The following UNC13C variants were observed in gnomAD, a reference collection of about 807,000 sequenced individuals.
UNC13C encodes unc-13 homolog C.
UNC13C carries 174 observed loss-of-function variants against 245.4 expected under a neutral mutation model. That is an observed-to-expected ratio of 0.71 (90% CI 0.63 to 0.80). The LOEUF (loss-of-function observed/expected upper bound fraction) is 0.80, where lower values mean the gene tolerates loss of function less well. Among genes scored for constraint, UNC13C ranks in the 30% least tolerant of loss-of-function variants. The probability of loss-of-function intolerance (pLI) is 0.00; values close to 1 mark genes in which losing one functional copy is unlikely to be tolerated. For missense variants in UNC13C, 2,829 were observed against 2,602.9 expected, an observed-to-expected ratio of 1.09 and a Z score of -1.89; for synonymous variants, 992 against 895.1, an observed-to-expected ratio of 1.11 and a Z score of -1.93.
At chr15:54,604,117 C>T (rs1002275401) in intron 30 of UNC13C, among the ~76,000 whole-genome samples, 3 of 152,110 alleles carry the variant, frequency 2.0e-5, no homozygotes, top group African/African-American at 7.2e-5. Context: ...ATGCCCATTT[C>T]TTTTTGGAGG....
intron 2 of UNC13C, among the ~76,000 whole-genome samples, chr15:54,105,113 A>G (rs569521441): frequency 1.3e-5 from 2 of 152,348 alleles, no homozygotes; most frequent in South Asian, 2.1e-4. Flanking sequence ...TGATAGTTCA[A>G]TAGTTCTTAT....
chr15:54,268,388 C>T (rs1038769686), intron 10 of UNC13C, among the ~76,000 whole-genome samples: 1 of 152,090 alleles, frequency 6.6e-6, no homozygotes, highest in Non-Finnish European at 1.5e-5. Flanking sequence ...TCCTTCCCTA[C>T]CAATTCTAAC....
chr15:54,610,450 G>T (rs1439754944), intron 30 of UNC13C, among the ~76,000 whole-genome samples: 1 of 152,110 alleles, frequency 6.6e-6, no homozygotes, highest in Non-Finnish European at 1.5e-5. Context: ...TGTCCAGGCT[G>T]GTCTCAAACT....
chr15:54,375,444 C>G (rs2039584979), intron 17 of UNC13C, among the ~76,000 whole-genome samples: 1 of 152,110 alleles, frequency 6.6e-6, no homozygotes, highest in South Asian at 2.1e-4. Flanking sequence ...TGACTTGCTT[C>G]TAGCCAACGG....
intron 1 of UNC13C, among the ~76,000 whole-genome samples, chr15:54,010,435 A>G (rs1895331358): frequency 6.6e-6 from 1 of 152,178 alleles, no homozygotes; most frequent in East Asian, 1.9e-4. Context: ...TGGGTCTCAA[A>G]TATATAGATA....
chr15:54,024,804 A>G (rs1205877578), intron 2 of UNC13C, among the ~76,000 whole-genome samples: 1 of 151,800 alleles, frequency 6.6e-6, no homozygotes, highest in Non-Finnish European at 1.5e-5. Flanking sequence ...AGACCCAGCT[A>G]CTCTGGAGGC....
chr15:53,895,306 A>G, the UNC13C span, among the ~76,000 whole-genome samples: 1 of 145,370 alleles, frequency 6.9e-6, no homozygotes, highest in Non-Finnish European at 1.5e-5. Context: ...GGAGGTTGCC[A>G]CTGCACTCCA....
chr15:54,053,851 T>C (rs1897380411), intron 2 of UNC13C, among the ~76,000 whole-genome samples: 1 of 152,178 alleles, frequency 6.6e-6, no homozygotes. Context: ...CGTTCAATTG[T>C]TTGAATTTTT....
At position 53,980,122 on chromosome 15, in the gene UNC13C, G is replaced by T. The variant is rs375668407; in HGVS notation, c.-257+1195G>T. Among the ~76,000 whole-genome samples, 26 of 152,162 alleles carry T rather than the reference G, an allele frequency of 1.7e-4. 1 individual carries two copies. The South Asian group carries it at 5.4e-3, about 32-fold the overall frequency. Reference sequence around the variant, plus strand: ...AAGTTCAAATGCAATAGAGGTAAGTGGGCTTTAAATTGTCATTTATGCATA... The same window carrying T: ...AAGTTCAAATGCAATAGAGGTAAGTTGGCTTTAAATTGTCATTTATGCATA... On this transcript the variant is annotated intron_variant, in intron 1 of 32. Transcript: ENST00000260323.
At chr15:53,875,053 A>G in the UNC13C span, among the ~76,000 whole-genome samples, 696 of 152,282 alleles carry the variant, frequency 4.6e-3, 7 homozygotes, top group African/African-American at 0.016. Flanking sequence ...AGATTGTGCC[A>G]CTGCACTCCA....
At chr15:54,033,272 A>G (rs1896439515) in intron 2 of UNC13C, among the ~76,000 whole-genome samples, 1 of 152,224 alleles carries the variant, frequency 6.6e-6, no homozygotes, top group African/African-American at 2.4e-5. Flanking sequence ...TCTATTTACC[A>G]ATATTCTGAT....
chr15:54,041,326 C>T (rs1343942513), intron 2 of UNC13C, among the ~76,000 whole-genome samples: 3 of 152,100 alleles, frequency 2.0e-5, no homozygotes, highest in Non-Finnish European at 4.4e-5. Context: ...TAACACTTGG[C>T]ATATTTTCTA....
chr15:54,157,631 G>T (rs373846084), intron 4 of UNC13C, among the ~76,000 whole-genome samples: 1 of 152,024 alleles, frequency 6.6e-6, no homozygotes, highest in African/African-American at 2.4e-5. Context: ...CTACCCCAAC[G>T]GGCTACTCAA....
intron 29 of UNC13C, among the ~76,000 whole-genome samples, chr15:54,564,258 A>C (rs1037594846): frequency 6.6e-6 from 1 of 151,994 alleles, no homozygotes; most frequent in Non-Finnish European, 1.5e-5. Flanking sequence ...CCCTTAAAAA[A>C]CTTCTGTTCA....
At chr15:54,070,818 A>G (rs1898287961) in intron 2 of UNC13C, among the ~76,000 whole-genome samples, 1 of 152,122 alleles carries the variant, frequency 6.6e-6, no homozygotes, top group Non-Finnish European at 1.5e-5. Flanking sequence ...AGTGAAGTAA[A>G]GTTTATTAAG....
chr15:54,498,821 T>C (rs1391077726), intron 20 of UNC13C, among the ~76,000 whole-genome samples: 1 of 152,172 alleles, frequency 6.6e-6, no homozygotes, highest in East Asian at 1.9e-4. Flanking sequence ...TCCCCCCACA[T>C]GGACCTACAG....
chr15:54,296,351 C>G (rs1446134717), intron 11 of UNC13C, among the ~76,000 whole-genome samples: 1 of 151,178 alleles, frequency 6.6e-6, no homozygotes, highest in East Asian at 1.9e-4. Context: ...CAGGCGCCTG[C>G]AACCACGGCC....
At chr15:54,043,548 T>A (rs759119860) in intron 2 of UNC13C, among the ~76,000 whole-genome samples, 2 of 152,092 alleles carry the variant, frequency 1.3e-5, no homozygotes, top group African/African-American at 2.4e-5. Context: ...TCCTCTTAGG[T>A]AGGAGCAAAG....
chr15:54,450,630 T>C (rs1891119481), intron 19 of UNC13C, among the ~76,000 whole-genome samples: 3 of 152,202 alleles, frequency 2.0e-5, no homozygotes, highest in Non-Finnish European at 4.4e-5. Flanking sequence ...AAGCACAGTA[T>C]TAGGGTGGGA....
Sources: allele counts gnomAD v4.1 joint callset (sites outside exome capture counted in the v4.1 genomes callset), GRCh38; gene constraint gnomAD v4.1.1; transcripts MANE v1.5; gene names NCBI Gene and HGNC (gene_info 2026-07-23, HGNC 2026-07-21).